Variants in ERCC6L2 observed in about 807,000 individuals in gnomAD.
ERCC6L2 encodes DNA excision repair protein ERCC-6-like 2.
A neutral mutation model predicts 132.0 loss-of-function variants in ERCC6L2; 77 were observed. The ratio of observed to expected loss-of-function variants is 0.58; its 90% confidence interval spans 0.49 to 0.71. The LOEUF (loss-of-function observed/expected upper bound fraction) is 0.71. Among genes scored for constraint, ERCC6L2 ranks in the 30% least tolerant of loss-of-function variants. ERCC6L2 has a pLI of 0.00. For missense variants in ERCC6L2, 1,542 were observed against 1,837.6 expected, an observed-to-expected ratio of 0.84 and a Z score of 2.94; for synonymous variants, 583 against 632.4, an observed-to-expected ratio of 0.92 and a Z score of 1.17.
intron 12 of ERCC6L2, among the ~76,000 whole-genome samples, chr9:95,944,705 C>T (rs4743419): frequency 0.18 from 27,747 of 151,804 alleles, 2,644 homozygotes; most frequent in South Asian, 0.28. Flanking sequence ...AAGTGTCGGC[C>T]GGTCTGAGAA....
intron 16 of ERCC6L2, among the ~76,000 whole-genome samples, chr9:95,974,825 G>A (rs1832593478): frequency 6.6e-6 from 1 of 151,990 alleles, no homozygotes; most frequent in Non-Finnish European, 1.5e-5. Context: ...GTACACATAT[G>A]TGATGATAAA....
At chr9:96,011,115 C>T (rs907634137) in intron 18 of ERCC6L2, among the ~76,000 whole-genome samples, 2 of 152,172 alleles carry the variant, frequency 1.3e-5, no homozygotes, top group Admixed American at 6.5e-5. Flanking sequence ...TAACAAAATA[C>T]TATAGACTGG....
rs1255607533 is a variant in ERCC6L2, at chr9:95,907,105, G to A, written c.622G>A (p.Val208Ile). 7 of 1,610,444 alleles carry A rather than the reference G, an allele frequency of 4.3e-6. No individual in the cohort carries two copies. The East Asian group carries it at 1.3e-4, about 31-fold the overall frequency. Residue 208 changes from valine (V) to isoleucine (I), a missense_variant, in exon 4 of 19, where the codon GTC becomes ATC. Transcript: ENST00000653738. ...GTTCTTAATAGTTGCTCCTCTTTCT[G>A]TCCTCTACAACTGGAAGGATGAATT... is the stretch of plus-strand genomic sequence containing the variant. Reference protein sequence around the residue: ...KMFLIVAPLSVLYNWKDELDT... With the variant: ...KMFLIVAPLSILYNWKDELDT...
chr9:96,005,078 C>T (rs1379987625), intron 18 of ERCC6L2, among the ~76,000 whole-genome samples: 1 of 152,186 alleles, frequency 6.6e-6, no homozygotes, highest in Non-Finnish European at 1.5e-5. Context: ...CTTTGGGAGG[C>T]CGAGGCGGGT....
chr9:95,999,577 G>C (rs549645143), intron 17 of ERCC6L2, among the ~76,000 whole-genome samples: 1 of 152,170 alleles, frequency 6.6e-6, no homozygotes, highest in African/African-American at 2.4e-5. Context: ...GAGTAAACAC[G>C]TAAATAATTG....
At chr9:95,973,234 A>G in intron 16 of ERCC6L2, 146 bp downstream of exon 16, 1 of 475,374 alleles carries the variant, frequency 2.1e-6, no homozygotes, top group South Asian at 2.2e-5. Context: ...GGGTAGCAGG[A>G]TAAATGGGAG....
intron 13 of ERCC6L2, among the ~76,000 whole-genome samples, chr9:95,961,069 C>T (rs960004906): frequency 3.3e-5 from 5 of 152,150 alleles, no homozygotes; most frequent in Admixed American, 2.0e-4. Flanking sequence ...CTCTCATGAA[C>T]ATAAATATGA....
At chr9:95,995,610 T>G (rs207470382) in intron 17 of ERCC6L2, among the ~76,000 whole-genome samples, 1 of 152,192 alleles carries the variant, frequency 6.6e-6, no homozygotes, top group African/African-American at 2.4e-5. Flanking sequence ...TTTTACAAAT[T>G]GAAGTTTTGT....
rs759490321 is a variant in ERCC6L2 at position 96,017,732 on chromosome 9, A to G, written c.*4529A>G. 1.1e-4 allele frequency among the ~76,000 whole-genome samples: 16 copies of G among 152,218 alleles called. No individual in the cohort carries two copies. The highest frequency in any genetic ancestry group is 1.8e-4 in the Non-Finnish European group (12 of 68,028). On this transcript the variant is annotated 3_prime_UTR_variant, in exon 19 of 19. Coordinates refer to ENST00000653738, the MANE Select transcript of ERCC6L2 (RefSeq NM_020207.7). The stretch of plus-strand genomic sequence containing the variant: ...CCCATCTCTGTATGCAGCTGAGCTC[A>G]TGATGGAGCCCACTGTGTGCTTTTT...
At chr9:95,969,542 A>C (rs1832318889) in intron 14 of ERCC6L2, among the ~76,000 whole-genome samples, 1 of 152,164 alleles carries the variant, frequency 6.6e-6, no homozygotes, top group Non-Finnish European at 1.5e-5. Context: ...GTTTGGCCTG[A>C]ACAACTTAAG....
At chr9:96,037,825 A>G (rs1834536815) in intron 19 of ERCC6L2, among the ~76,000 whole-genome samples, 1 of 151,988 alleles carries the variant, frequency 6.6e-6, no homozygotes, top group African/African-American at 2.4e-5. Context: ...GCCAGAGGAG[A>G]TGGGAAGAGA....
At chr9:95,876,219 C>A in intron 1 of ERCC6L2, 135 bp downstream of exon 1, 1 of 758,978 alleles carries the variant, frequency 1.3e-6, no homozygotes, top group Non-Finnish European at 2.1e-6. Flanking sequence ...TTGTGAACCC[C>A]TCCAGGCCTG....
rs140476611 is a variant in ERCC6L2 at position 95,996,340 on chromosome 9, A to G, written c.3493-8180A>G. On this transcript the variant is annotated intron_variant, in intron 17 of 18. Transcript: ENST00000653738. ...AAAAATTTGAAGCTAACAGAAGTTC[A>G]TGACATTTAAGCTAAGAAGCTGTCT... Among the ~76,000 whole-genome samples, 30 of 152,388 alleles carry G rather than the reference A, an allele frequency of 2.0e-4. No individual in the cohort carries two copies. In the East Asian group the frequency reaches 5.6e-3, roughly 28 times the overall value.
intron 2 of ERCC6L2, among the ~76,000 whole-genome samples, chr9:95,886,681 A>G (rs1283963107): frequency 6.6e-6 from 1 of 152,242 alleles, no homozygotes; most frequent in African/African-American, 2.4e-5. Context: ...ATAAATGCAT[A>G]TAATACCTAC....
chr9:96,028,968 A>G (rs1834417319), intron 19 of ERCC6L2, among the ~76,000 whole-genome samples: 1 of 152,216 alleles, frequency 6.6e-6, no homozygotes, highest in Non-Finnish European at 1.5e-5. Context: ...GAATTCATTC[A>G]TAAGAAGGGA....
chr9:95,953,271 T>G (rs1006515973), intron 12 of ERCC6L2, among the ~76,000 whole-genome samples: 2 of 152,120 alleles, frequency 1.3e-5, no homozygotes, highest in Non-Finnish European at 2.9e-5. Context: ...GAGAGAAAAA[T>G]TTGCTATTTA....
intron 11 of ERCC6L2, among the ~76,000 whole-genome samples, chr9:95,931,216 T>G (rs1830324027): frequency 6.6e-6 from 1 of 152,182 alleles, no homozygotes; most frequent in Non-Finnish European, 1.5e-5. Flanking sequence ...ACTTTTTCGG[T>G]CTTTTCCCCC....
rs1238043147 is a variant in ERCC6L2 at position 96,016,615 on chromosome 9, T to C, written c.*3412T>C. Among the ~76,000 whole-genome samples, 1 of 152,240 alleles carries C rather than the reference T, an allele frequency of 6.6e-6. No homozygotes were observed. The highest frequency in any genetic ancestry group is 2.4e-5 in the African/African-American group (1 of 41,464). ...GCAAAGAAGCCTTAGTTTGCAGAGATGATGATAAACTTTTCATCCTTCCAC... is the reference window on the plus strand; with the variant it reads ...GCAAAGAAGCCTTAGTTTGCAGAGACGATGATAAACTTTTCATCCTTCCAC... On this transcript the variant is annotated 3_prime_UTR_variant, in exon 19 of 19. Transcript: ENST00000653738.
intron 1 of ERCC6L2, among the ~76,000 whole-genome samples, chr9:95,880,520 A>G (rs1399766874): frequency 6.6e-6 from 1 of 152,166 alleles, no homozygotes; most frequent in South Asian, 2.1e-4. Context: ...TTCAACAATA[A>G]CAACCAAACA....
Sources: gnomAD v4.1 joint callset for allele counts (sites outside exome capture counted in the v4.1 genomes callset) on GRCh38, gnomAD v4.1.1 for gene constraint, MANE v1.5 for transcripts, NCBI Gene and HGNC (gene_info 2026-07-23, HGNC 2026-07-21) for gene names.